The following PLLP variants were observed in gnomAD, a reference collection of about 807,000 sequenced individuals.
The protein encoded by PLLP is plasmolipin.
PLLP carries 15 observed loss-of-function variants against 19.7 expected under a neutral mutation model. That is an observed-to-expected ratio of 0.76 (90% CI 0.51 to 1.17). The LOEUF (loss-of-function observed/expected upper bound fraction) is 1.17, where lower values mean the gene tolerates loss of function less well. PLLP is among the 50% of genes most tolerant of loss of function. PLLP has a pLI of 0.00. For missense variants in PLLP, 255 were observed against 258.3 expected (o/e 0.99, Z 0.09); for synonymous variants, 111 against 116.3 (o/e 0.95, Z 0.29).
At chr16:57,258,065 A>T (rs186398382) in intron 3 of PLLP, among the ~76,000 whole-genome samples, 21 of 152,152 alleles carry the variant, frequency 1.4e-4, no homozygotes, top group African/African-American at 4.6e-4. Flanking sequence ...TCCAAAAAAA[A>T]TACAAAATAC....
At chr16:57,280,923 C>G (rs1398080543) in intron 1 of PLLP, among the ~76,000 whole-genome samples, 3 of 152,228 alleles carry the variant, frequency 2.0e-5, no homozygotes, top group African/African-American at 7.2e-5. Context: ...TCTCCAGGAG[C>G]TGGGAGCCTT....
At chr16:57,258,867 G>T (rs1471645249) in intron 2 of PLLP, among the ~76,000 whole-genome samples, 1 of 129,490 alleles carries the variant, frequency 7.7e-6, no homozygotes, top group African/African-American at 2.9e-5. Context: ...GCTGCAGTGA[G>T]TCATGATCAC....
At chr16:57,278,824 T>C (rs1168000755) in intron 1 of PLLP, among the ~76,000 whole-genome samples, 2 of 152,216 alleles carry the variant, frequency 1.3e-5, no homozygotes, top group East Asian at 3.9e-4. Context: ...AACAATCTCA[T>C]CTAGGTAGCC....
intron 1 of PLLP, among the ~76,000 whole-genome samples, chr16:57,275,854 A>G (rs1217406591): frequency 6.6e-6 from 1 of 152,222 alleles, no homozygotes; most frequent in Non-Finnish European, 1.5e-5. Flanking sequence ...CGCGCCTTGC[A>G]TTTATAATTT....
chr16:57,270,990 G>A (rs961943005), intron 1 of PLLP, among the ~76,000 whole-genome samples: 3 of 151,952 alleles, frequency 2.0e-5, no homozygotes, highest in Non-Finnish European at 2.9e-5. Context: ...AGCGAGGGTC[G>A]CCACCCCAGG....
intron 1 of PLLP, among the ~76,000 whole-genome samples, chr16:57,280,759 T>C (rs948164695): frequency 2.0e-5 from 3 of 152,256 alleles, no homozygotes; most frequent in Non-Finnish European, 2.9e-5. Flanking sequence ...TTCTGTCTTA[T>C]GTGGTTTAAT....
rs1479603287 is a variant in PLLP, at chr16:57,256,277, G to A, written c.*636C>T. On this transcript the variant is annotated 3_prime_UTR_variant, in exon 4 of 4. Transcript: ENST00000219207. ...AGGGAGTATTACAGAGAGAGGCTTG[G>A]GAAAGGGAAGGAAACCTGGACAGGC... 5.2e-6 allele frequency: 2 copies of A among 383,222 alleles called. No homozygotes were observed. Among genetic ancestry groups the A allele is most frequent in the South Asian group, 1.5e-4 (1 of 6,890 alleles). 23.7% of individuals were successfully genotyped at this position (383,222 alleles called of 1,614,324 possible). A position where few individuals can be genotyped will look rare whatever the true frequency, so the allele number is the denominator to read the frequency against.
chr16:57,261,582 A>G (rs967115119), intron 2 of PLLP, among the ~76,000 whole-genome samples: 4 of 152,106 alleles, frequency 2.6e-5, no homozygotes, highest in African/African-American at 7.2e-5. Flanking sequence ...TTAGCAGGGC[A>G]TGGTGGCACG....
intron 2 of PLLP, among the ~76,000 whole-genome samples, chr16:57,259,115 A>C (rs1236352841): frequency 6.6e-6 from 1 of 151,978 alleles, no homozygotes; most frequent in South Asian, 2.1e-4. Flanking sequence ...CCTGCTGAGC[A>C]GGGAGCATGA....
chr16:57,284,456 C>T lies in PLLP; in HGVS notation c.85G>A (p.Asp29Asn). 12 of 1,410,658 alleles carry T rather than the reference C, an allele frequency of 8.5e-6. No homozygotes were observed. The highest frequency in any genetic ancestry group is 1.5e-5 in the South Asian group (1 of 68,068). 87.4% of individuals were successfully genotyped at this position (1,410,658 alleles called of 1,614,324 possible). A position where few individuals can be genotyped will look rare whatever the true frequency, so the allele number is the denominator to read the frequency against. ...AGGCGGGAGCGCACGAAGCCCAGGT[C>T]CGGGCGCAGCGCCGACACCGAGGCT... is the stretch of plus-strand genomic sequence containing the variant. Reference protein sequence around the residue: ...AEASVSALRPDLGFVRSRLGA... With the variant: ...AEASVSALRPNLGFVRSRLGA... Residue 29 changes from aspartate (D) to asparagine (N), a missense_variant, in exon 1 of 4, where the codon GAC becomes AAC. By Grantham distance (23) the Asp-to-Asn change is conservative. Coordinates refer to ENST00000219207, the MANE Select transcript of PLLP (RefSeq NM_015993.3).
At chr16:57,277,289 A>C (rs1901165318) in intron 1 of PLLP, among the ~76,000 whole-genome samples, 1 of 152,214 alleles carries the variant, frequency 6.6e-6, no homozygotes, top group Non-Finnish European at 1.5e-5. Flanking sequence ...TAAATACATT[A>C]CCTATTAAAG....
intron 1 of PLLP, among the ~76,000 whole-genome samples, chr16:57,264,192 CG>C (rs1267555903): frequency 6.6e-6 from 1 of 151,670 alleles, no homozygotes; most frequent in Non-Finnish European, 1.5e-5. Flanking sequence ...GGACAAGACT[CG>C]GGGGCCTGTA....
chr16:57,261,434 C>T (rs1308863877), intron 2 of PLLP, among the ~76,000 whole-genome samples: 1 of 152,166 alleles, frequency 6.6e-6, no homozygotes, highest in Non-Finnish European at 1.5e-5. Flanking sequence ...AAAAACCGTG[C>T]ACCTAGGCAT....
intron 2 of PLLP, among the ~76,000 whole-genome samples, chr16:57,261,375 C>T (rs1409550603): frequency 6.6e-6 from 1 of 152,114 alleles, no homozygotes; most frequent in African/African-American, 2.4e-5. Flanking sequence ...TTCTACTCCC[C>T]TCCTGGGACA....
chr16:57,262,277 C>A lies in PLLP; in HGVS notation c.136-207G>T, dbSNP rs1374648502. 2.0e-5 allele frequency among the ~76,000 whole-genome samples: 3 copies of A among 152,054 alleles called. 1 individual carries two copies. In the South Asian group the frequency reaches 6.2e-4, roughly 32 times the overall value. ...TCTCTACAGAAAAATTAAGGCCGGGCGCAGTGGCTCACGTCTGTAATCCCA... is the reference window on the plus strand; with the variant it reads ...TCTCTACAGAAAAATTAAGGCCGGGAGCAGTGGCTCACGTCTGTAATCCCA... On this transcript the variant is annotated intron_variant, in intron 1 of 3. Coordinates refer to ENST00000219207, the MANE Select transcript of PLLP (RefSeq NM_015993.3).
chr16:57,259,151 A>G (rs2075434954), intron 2 of PLLP, among the ~76,000 whole-genome samples: 2 of 152,228 alleles, frequency 1.3e-5, no homozygotes, highest in East Asian at 3.9e-4. Context: ...GAGGAGGGGA[A>G]TGACAGGAGG....
At chr16:57,281,313 C>T (rs936769900) in intron 1 of PLLP, among the ~76,000 whole-genome samples, 8 of 152,118 alleles carry the variant, frequency 5.3e-5, no homozygotes, top group Middle Eastern at 3.4e-3. Context: ...AAAATGGGGC[C>T]GACTAAGAAG....
intron 1 of PLLP, among the ~76,000 whole-genome samples, chr16:57,278,751 C>T (rs868614586): frequency 8.5e-5 from 13 of 152,252 alleles, no homozygotes; most frequent in East Asian, 7.7e-4. Context: ...AGGGAAGCCC[C>T]GGGAGTCTCA....
chr16:57,257,404 A>C (rs2075429210), intron 3 of PLLP, among the ~76,000 whole-genome samples: 1 of 152,210 alleles, frequency 6.6e-6, no homozygotes, highest in South Asian at 2.1e-4. Flanking sequence ...CTGCAGCCAC[A>C]TTCAGAAGCT....
Sources: allele counts gnomAD v4.1 joint callset (sites outside exome capture counted in the v4.1 genomes callset), GRCh38; gene constraint gnomAD v4.1.1; transcripts MANE v1.5; gene names NCBI Gene and HGNC (gene_info 2026-07-23, HGNC 2026-07-21).